The following KIRREL1 variants were observed in gnomAD, a reference collection of about 807,000 sequenced individuals.
KIRREL1 encodes the protein kirre like nephrin family adhesion molecule 1.
KIRREL1 carries 25 observed loss-of-function variants against 83.3 expected under a neutral mutation model. The ratio of observed to expected loss-of-function variants is 0.30; its 90% CI spans 0.22 to 0.42. KIRREL1 has a LOEUF of 0.42. KIRREL1 is among the 10% of genes least tolerant of loss of function. The pLI is 1.00. For missense variants in KIRREL1, 812 were observed against 1,032.3 expected, an observed-to-expected ratio of 0.79 and a Z score of 2.92; for synonymous variants, 388 against 410.4, an observed-to-expected ratio of 0.95 and a Z score of 0.66.
intron 1 of KIRREL1, among the ~76,000 whole-genome samples, chr1:158,026,329 T>C (rs1349386619): frequency 6.6e-6 from 1 of 152,168 alleles, no homozygotes; most frequent in Non-Finnish European, 1.5e-5. Context: ...AGGTAATGTA[T>C]AGAAGCTAGG....
chr1:158,028,468 A>G (rs1243430077), intron 1 of KIRREL1, among the ~76,000 whole-genome samples: 3 of 152,072 alleles, frequency 2.0e-5, no homozygotes, highest in African/African-American at 7.2e-5. Context: ...CTGGATGCAA[A>G]TTCTGCTTTT....
At chr1:158,072,449 G>C (rs1046245762) in intron 1 of KIRREL1, among the ~76,000 whole-genome samples, 1 of 152,208 alleles carries the variant, frequency 6.6e-6, no homozygotes, top group African/African-American at 2.4e-5. Context: ...TGCCCCTGGG[G>C]TAACAGCAGG....
At chr1:158,028,532 A>G (rs953649607) in intron 1 of KIRREL1, among the ~76,000 whole-genome samples, 1 of 152,168 alleles carries the variant, frequency 6.6e-6, no homozygotes, top group Non-Finnish European at 1.5e-5. Context: ...TCCATTTGCG[A>G]TGATATACCA....
intron 1 of KIRREL1, among the ~76,000 whole-genome samples, chr1:158,021,425 T>G (rs1227655914): frequency 1.3e-5 from 2 of 152,204 alleles, no homozygotes. Context: ...GGCATTACCC[T>G]CATCTTAGTT....
chr1:158,093,571 G>A (rs371935910), intron 12 of KIRREL1, 52 bp from the exon 13 acceptor site: 79 of 1,611,238 alleles, frequency 4.9e-5, no homozygotes, highest in African/African-American at 2.3e-4. Context: ...AGAAGCAGCC[G>A]CTGCAGAGAC....
intron 1 of KIRREL1, among the ~76,000 whole-genome samples, chr1:158,070,332 T>A (rs916570829): frequency 5.9e-5 from 9 of 152,324 alleles, no homozygotes; most frequent in African/African-American, 1.4e-4. Context: ...AGCTGTACCT[T>A]AAGCACCCTC....
intron 1 of KIRREL1, among the ~76,000 whole-genome samples, chr1:158,060,715 A>G (rs774136794): frequency 5.9e-5 from 9 of 152,176 alleles, no homozygotes; most frequent in Non-Finnish European, 1.2e-4. Flanking sequence ...CCCAGCCAGG[A>G]GCAAGTGATT....
In KIRREL1 at chr1:158,094,649, C is replaced by A. The variant is rs41273465; in HGVS notation, c.1803C>A (p.Pro601=). Residue 601 remains proline (P), a synonymous_variant, in exon 15 of 15, where the codon CCC becomes CCA. Transcript: ENST00000359209. This position sits in a 1 kb window ranked among gnomAD's most constrained non-coding sequence, Gnocchi z 4.6. ...DTREEYEMKD[P]TNGYYNVRAH... Reference sequence around the variant, plus strand: ...TCTTCTCTCATTGCCCCCAGGACCCCACCAATGGCTACTACAACGTGCGTG... The same window carrying A: ...TCTTCTCTCATTGCCCCCAGGACCCAACCAATGGCTACTACAACGTGCGTG... 0.076 allele frequency: 121,630 copies of A among 1,592,456 alleles called. 5,022 individuals are homozygous for A. Among genetic ancestry groups the A allele is most frequent in the African/African-American group, 0.11 (8,184 of 74,744 alleles).
Position 158,098,942 on chromosome 1 carries a change from A to T in KIRREL1, c.*3822A>T, listed in dbSNP as rs1662423202. ...CCACAGGGCTCCATAAAACGGAATC[A>T]GTGTCTCAATATACATGACCTATGT... is the stretch of plus-strand genomic sequence containing the variant. On this transcript the variant is annotated 3_prime_UTR_variant, in exon 15 of 15. Coordinates refer to ENST00000359209, the MANE Select transcript of KIRREL1 (RefSeq NM_018240.7). The T allele has an allele frequency of 6.6e-6, 1 of 152,264 alleles. No individual in the cohort carries two copies. Among genetic ancestry groups the T allele is most frequent in the Non-Finnish European group, 1.5e-5 (1 of 68,054 alleles). 9.4% of individuals were successfully genotyped at this position (152,264 alleles called of 1,614,324 possible).
At chr1:158,080,449 C>G (rs1661816133) in intron 3 of KIRREL1, among the ~76,000 whole-genome samples, 1 of 152,136 alleles carries the variant, frequency 6.6e-6, no homozygotes, top group African/African-American at 2.4e-5. Flanking sequence ...AGCTTGCAGG[C>G]CAATGAAGGA....
chr1:158,017,115 C>T (rs1398249866), intron 1 of KIRREL1, among the ~76,000 whole-genome samples: 1 of 152,198 alleles, frequency 6.6e-6, no homozygotes, highest in East Asian at 1.9e-4. Flanking sequence ...CTGCGAGCTC[C>T]CTTTCCTGCG....
Position 158,096,559 on chromosome 1 carries a change from G to A in KIRREL1, c.*1439G>A. 8.8e-6 allele frequency: 4 copies of A among 457,008 alleles called. No homozygotes were observed. Among genetic ancestry groups the A allele is most frequent in the South Asian group, 3.1e-5 (2 of 64,558 alleles). The allele number at this position is 457,008 out of a possible 1,614,324, so 28.3% of individuals were successfully genotyped here. A position where few individuals can be genotyped will look rare whatever the true frequency, so the allele number is the denominator to read the frequency against. On this transcript the variant is annotated 3_prime_UTR_variant, in exon 15 of 15. Transcript: ENST00000359209. The stretch of plus-strand genomic sequence containing the variant: ...GGGGACCTGGAGAGGTAAGGGGCCT[G>A]GAAATGGCCCTGACAGAGAACTTGT...
At chr1:158,016,768 T>A (rs1275618715) in intron 1 of KIRREL1, among the ~76,000 whole-genome samples, 1 of 152,170 alleles carries the variant, frequency 6.6e-6, no homozygotes, top group Non-Finnish European at 1.5e-5. Context: ...TGTGAGTAAT[T>A]GAGAGCTGAC....
At position 158,084,468 on chromosome 1, in the gene KIRREL1, G is replaced by C. The variant is rs1250866798; in HGVS notation, c.399G>C (p.Leu133=). 6.4e-7 allele frequency: 1 copy of C among 1,551,804 alleles called. No individual in the cohort carries two copies. Among genetic ancestry groups the C allele is most frequent in the African/African-American group, 1.4e-5 (1 of 73,170 alleles). ...TRIDGGPVIL[L]QAGTPHNLTC... ...TTGACGGAGGCCCTGTGATTCTACT[G>C]CAGGCAGGCACCCCCCACAACCTCA... Residue 133 remains leucine (L), a synonymous_variant, in exon 4 of 15, where the codon CTG becomes CTC. Coordinates refer to ENST00000359209, the MANE Select transcript of KIRREL1 (RefSeq NM_018240.7).
At chr1:158,003,608 C>A (rs575763034) in intron 1 of KIRREL1, among the ~76,000 whole-genome samples, 1 of 152,122 alleles carries the variant, frequency 6.6e-6, no homozygotes, top group Non-Finnish European at 1.5e-5. Context: ...GTGCTGCCAG[C>A]GCCAGAACCC....
intron 1 of KIRREL1, among the ~76,000 whole-genome samples, chr1:158,007,833 G>C (rs1659562303): frequency 6.6e-6 from 1 of 151,950 alleles, no homozygotes; most frequent in Admixed American, 6.5e-5. Context: ...GCTTCTCTCT[G>C]CCCCCGAGCC....
chr1:158,053,298 G>A (rs781092698), intron 1 of KIRREL1, among the ~76,000 whole-genome samples: 5 of 152,202 alleles, frequency 3.3e-5, no homozygotes, highest in Non-Finnish European at 7.3e-5. Flanking sequence ...TATTGAGTGG[G>A]TAAATGAATG....
chr1:158,040,709 C>G (rs574542276), intron 1 of KIRREL1, among the ~76,000 whole-genome samples: 2 of 152,280 alleles, frequency 1.3e-5, no homozygotes, highest in Admixed American at 1.3e-4. Context: ...TGGGAACAGG[C>G]ATTTCCTTAA....
At chr1:158,005,601 G>T (rs1167805098) in intron 1 of KIRREL1, among the ~76,000 whole-genome samples, 2 of 151,948 alleles carry the variant, frequency 1.3e-5, no homozygotes. Context: ...GGAGATGTGG[G>T]GGAAAGAATT....
Sources: gnomAD v4.1 joint callset for allele counts (sites outside exome capture counted in the v4.1 genomes callset) on GRCh38, gnomAD v4.1.1 for gene constraint, Gnocchi (gnomAD v3.1) non-coding constraint, MANE v1.5 for transcripts, NCBI Gene and HGNC (gene_info 2026-07-23, HGNC 2026-07-21) for gene names.